The following RPSA2 variants were observed in gnomAD, a reference collection of about 807,000 sequenced individuals.
RPSA2 encodes the protein ribosomal protein SA 2, also known as small ribosomal subunit protein uS2B.
At chr19:23,827,926 C>T in the RPSA2 span, 1 of 876,772 alleles carries the variant, frequency 1.1e-6, no homozygotes. Context: ...TACAGGTGCC[C>T]TCTGTGCCTA....
chr19:23,865,897 T>G, the RPSA2 span, among the ~76,000 whole-genome samples: 1 of 152,240 alleles, frequency 6.6e-6, no homozygotes, highest in African/African-American at 2.4e-5. Flanking sequence ...ATAGGGCTGT[T>G]AGAATCGGTG....
the RPSA2 span, among the ~76,000 whole-genome samples, chr19:23,817,318 G>T: frequency 1.3e-5 from 2 of 152,280 alleles, no homozygotes; most frequent in Admixed American, 6.5e-5. Context: ...GGAGGGAGAG[G>T]TTGCAGTGAG....
chr19:23,792,632 A>G, the RPSA2 span, among the ~76,000 whole-genome samples: 4 of 147,588 alleles, frequency 2.7e-5, no homozygotes, highest in East Asian at 8.0e-4. Flanking sequence ...TCACCCAGGC[A>G]GCCTCCTGAG....
chr19:23,860,789 G>T, the RPSA2 span, among the ~76,000 whole-genome samples: 1 of 152,180 alleles, frequency 6.6e-6, no homozygotes, highest in Non-Finnish European at 1.5e-5. Context: ...TAGCATGCAT[G>T]ACTTCAATTC....
the RPSA2 span, among the ~76,000 whole-genome samples, chr19:23,781,613 A>G: frequency 0.019 from 2,925 of 152,256 alleles, 42 homozygotes; most frequent in Non-Finnish European, 0.023. Context: ...TGGTGGGATT[A>G]CAGGTGTAAG....
chr19:23,868,839 G>T, the RPSA2 span, among the ~76,000 whole-genome samples: 1 of 152,102 alleles, frequency 6.6e-6, no homozygotes, highest in Non-Finnish European at 1.5e-5. Flanking sequence ...GCCAACCATG[G>T]GCCCGGTCCC....
the RPSA2 span, among the ~76,000 whole-genome samples, chr19:23,870,660 A>G: frequency 2.0e-5 from 3 of 152,206 alleles, no homozygotes; most frequent in East Asian, 1.9e-4. Context: ...CATCTCATAT[A>G]TAGTTCTGGG....
the RPSA2 span, among the ~76,000 whole-genome samples, chr19:23,859,654 CA>C: frequency 6.6e-6 from 1 of 152,040 alleles, no homozygotes; most frequent in Admixed American, 6.6e-5. Context: ...ATTGCTTAGT[CA>C]TGTCTTCTGC....
At chr19:23,839,790 T>A in the RPSA2 span, among the ~76,000 whole-genome samples, 9 of 152,334 alleles carry the variant, frequency 5.9e-5, no homozygotes, top group South Asian at 1.9e-3. Flanking sequence ...GCCTCCCTGT[T>A]GCCTCCTGAA....
the RPSA2 span, among the ~76,000 whole-genome samples, chr19:23,800,214 T>TA: frequency 1.4e-5 from 2 of 144,790 alleles, no homozygotes; most frequent in African/African-American, 2.6e-5. Context: ...ATTTTATTTT[T>TA]TTTTATTTTA....
chr19:23,846,245 G>A, the RPSA2 span, among the ~76,000 whole-genome samples: 2 of 151,954 alleles, frequency 1.3e-5, no homozygotes, highest in African/African-American at 4.8e-5. Flanking sequence ...ACACACAGTT[G>A]GATCATTTTT....
chr19:23,826,249 T>G, the RPSA2 span, among the ~76,000 whole-genome samples: 1 of 151,638 alleles, frequency 6.6e-6, no homozygotes, highest in Non-Finnish European at 1.5e-5. Context: ...GCTGGAGTGC[T>G]GTGGCATGAT....
chr19:23,778,896 C>T, the RPSA2 span, among the ~76,000 whole-genome samples: 1 of 151,624 alleles, frequency 6.6e-6, no homozygotes, highest in Non-Finnish European at 1.5e-5. Flanking sequence ...TTCCTGAGTC[C>T]TACCCACAGA....
At chr19:23,840,105 G>T in the RPSA2 span, among the ~76,000 whole-genome samples, 1 of 107,636 alleles carries the variant, frequency 9.3e-6, no homozygotes, top group African/African-American at 3.4e-5. Flanking sequence ...GAGAAAAAAT[G>T]GTTGATTCTC....
the RPSA2 span, among the ~76,000 whole-genome samples, chr19:23,840,545 T>G: frequency 6.6e-6 from 1 of 152,068 alleles, no homozygotes; most frequent in Non-Finnish European, 1.5e-5. Flanking sequence ...AAATGCACAC[T>G]TAAAAAAGAT....
At chr19:23,841,790 T>G in the RPSA2 span, among the ~76,000 whole-genome samples, 1 of 152,202 alleles carries the variant, frequency 6.6e-6, no homozygotes, top group Non-Finnish European at 1.5e-5. Flanking sequence ...GGCTGAGAGC[T>G]AAGTATGAGC....
the RPSA2 span, among the ~76,000 whole-genome samples, chr19:23,853,608 T>A: frequency 6.6e-6 from 1 of 152,198 alleles, no homozygotes; most frequent in Non-Finnish European, 1.5e-5. Context: ...AGAGGTTTAG[T>A]AATTCCTTCA....
the RPSA2 span, among the ~76,000 whole-genome samples, chr19:23,843,448 T>C: frequency 6.6e-6 from 1 of 152,222 alleles, no homozygotes; most frequent in African/African-American, 2.4e-5. Context: ...CCCATACCAT[T>C]AAATTCTTTA....
At chr19:23,793,011 C>CT in the RPSA2 span, among the ~76,000 whole-genome samples, 1 of 152,080 alleles carries the variant, frequency 6.6e-6, no homozygotes, top group East Asian at 1.9e-4. Flanking sequence ...GTGGCTCAGA[C>CT]TGAGGGTAAG....
Sources: allele counts gnomAD v4.1 joint callset (sites outside exome capture counted in the v4.1 genomes callset), GRCh38; gene constraint gnomAD v4.1.1; transcripts MANE v1.5; gene names NCBI Gene and HGNC (gene_info 2026-07-23, HGNC 2026-07-21).